The following RASA3 variants were observed in gnomAD, a reference collection of about 807,000 sequenced individuals.
RASA3 encodes RAS p21 protein activator 3.
Under a neutral mutation model 110.0 loss-of-function variants are expected in RASA3, and 73 were observed. That is an observed-to-expected ratio of 0.66 (90% CI 0.55 to 0.81). RASA3 has a LOEUF of 0.81. Among genes scored for constraint, RASA3 ranks in the 30% least tolerant of loss-of-function variants. The probability of loss-of-function intolerance (pLI) is 0.00; values close to 1 mark genes in which losing one functional copy is unlikely to be tolerated. For synonymous variants in RASA3, 500 were observed against 451.4 expected (o/e 1.11, Z -1.37); for missense variants, 976 against 1,113.2 (o/e 0.88, Z 1.75).
intron 2 of RASA3, among the ~76,000 whole-genome samples, chr13:114,068,928 C>A (rs373405160): frequency 6.6e-6 from 1 of 152,190 alleles, no homozygotes; most frequent in African/African-American, 2.4e-5. Context: ...AGACACTGCC[C>A]TTCAACCTCC....
chr13:114,024,132 C>T (rs2053983207), intron 8 of RASA3, 147 bp downstream of exon 8: 1 of 877,406 alleles, frequency 1.1e-6, no homozygotes, highest in East Asian at 2.7e-5. Context: ...ACTTCAACTA[C>T]AACTTCTAAC....
chr13:114,117,107 A>G (rs1366435363), intron 1 of RASA3, among the ~76,000 whole-genome samples: 22 of 66,072 alleles, frequency 3.3e-4, no homozygotes, highest in Admixed American at 4.0e-4. Flanking sequence ...GTGTGTGAGG[A>G]GAGCACGTGT....
intron 3 of RASA3, among the ~76,000 whole-genome samples, chr13:114,050,075 T>C (rs2079118877): frequency 6.6e-6 from 1 of 152,210 alleles, no homozygotes; most frequent in African/African-American, 2.4e-5. Context: ...CCACTAGCCC[T>C]GGAGCCGATG....
At chr13:114,031,574 CTG>C (rs889645162) in intron 4 of RASA3, among the ~76,000 whole-genome samples, 1 of 151,356 alleles carries the variant, frequency 6.6e-6, no homozygotes, top group Non-Finnish European at 1.5e-5. Flanking sequence ...GTACATGCGA[CTG>C]TGTGTGCATG....
chr13:114,037,293 T>C (rs1346294510), intron 4 of RASA3, among the ~76,000 whole-genome samples: 4 of 152,330 alleles, frequency 2.6e-5, no homozygotes, highest in African/African-American at 9.6e-5. Context: ...GGCAGGTGAC[T>C]GGAGCAACAG....
chr13:114,013,137 C>T lies in RASA3; in HGVS notation c.1512+5G>A. ...AAAGCCTCGGTCCCTCAGCCGGTCA[C>T]TCACCGTGTGGTGCGGCGTGAGCTG... is the stretch of plus-strand genomic sequence containing the variant. On this transcript the variant is annotated splice_donor_5th_base_variant and intron_variant, in intron 15 of 23. Transcript: ENST00000334062. 9 of 1,610,934 alleles carry T rather than the reference C, an allele frequency of 5.6e-6. No individual in the cohort carries two copies. The highest frequency in any genetic ancestry group is 7.6e-6 in the Non-Finnish European group (9 of 1,178,750).
intron 1 of RASA3, among the ~76,000 whole-genome samples, chr13:114,129,397 G>A (rs897887055): frequency 6.6e-6 from 1 of 152,158 alleles, no homozygotes; most frequent in African/African-American, 2.4e-5. Flanking sequence ...TCTACGTGGC[G>A]CTCTCCTCTT....
chr13:114,127,369 C>G (rs865880996), intron 1 of RASA3, among the ~76,000 whole-genome samples: 6 of 152,210 alleles, frequency 3.9e-5, no homozygotes, highest in African/African-American at 1.4e-4. Flanking sequence ...CACCTGAAGG[C>G]TGGATGGGTG....
At chr13:114,093,856 G>T (rs1264942718) in intron 1 of RASA3, among the ~76,000 whole-genome samples, 3 of 150,376 alleles carry the variant, frequency 2.0e-5, no homozygotes. Context: ...TTTCATTTTT[G>T]CATTTCATTC....
intron 23 of RASA3, 36 bp downstream of exon 23, chr13:113,981,639 C>G: frequency 6.2e-7 from 1 of 1,607,164 alleles, no homozygotes; most frequent in South Asian, 1.1e-5. Context: ...GCCCACTACA[C>G]TGGCCGTCCA....
chr13:114,071,265 G>A (rs2079568816), intron 2 of RASA3, among the ~76,000 whole-genome samples: 2 of 152,128 alleles, frequency 1.3e-5, no homozygotes, highest in Admixed American at 6.5e-5. Flanking sequence ...TTACAGGTGT[G>A]AGCCACCACA....
chr13:114,002,243 T>C (rs1251094494), intron 18 of RASA3, among the ~76,000 whole-genome samples: 2 of 152,118 alleles, frequency 1.3e-5, no homozygotes, highest in African/African-American at 4.8e-5. Context: ...AAGAGGGGCT[T>C]TGAGCAGCAA....
rs115243255 is a variant in RASA3 at position 114,124,467 on chromosome 13, G to A, written c.55+7968C>T. ...ATCCAGGCCCGACGAGGGCGTTCCC[G>A]GGCACCTCGGTGACTCTGAAACTCA... On this transcript the variant is annotated intron_variant, in intron 1 of 23. Coordinates refer to ENST00000334062, the MANE Select transcript of RASA3 (RefSeq NM_007368.4). 4.6e-3 allele frequency among the ~76,000 whole-genome samples: 699 copies of A among 152,360 alleles called. 6 individuals are homozygous for A. Among genetic ancestry groups the A allele is most frequent in the African/African-American group, 0.016 (648 of 41,586 alleles).
intron 1 of RASA3, among the ~76,000 whole-genome samples, chr13:114,116,957 TGCACGTGTGTGAGGGGA>T (rs2080287505): frequency 5.3e-5 from 5 of 93,864 alleles, no homozygotes; most frequent in South Asian, 3.9e-4. Context: ...GTGTGAGGGG[TGCACGTGTGTGAGGGGA>T]GCACGTGTGT....
chr13:114,074,222 C>T (rs1184733399), intron 1 of RASA3, among the ~76,000 whole-genome samples: 1 of 152,230 alleles, frequency 6.6e-6, no homozygotes, highest in Non-Finnish European at 1.5e-5. Flanking sequence ...CCACCGTCCT[C>T]TCTGGAACAC....
Position 114,007,737 on chromosome 13 carries a change from A to C in RASA3, c.1669-131T>G, listed in dbSNP as rs139743732. On this transcript the variant is annotated intron_variant, in intron 17 of 23. Transcript: ENST00000334062. ...AGTGGAGACAGAATCTGGGCAAGTG[A>C]GTCCTTCCCCGAGGGCTGTGGGGCC... 1,670 of 758,290 alleles carry C rather than the reference A, an allele frequency of 2.2e-3. 3 individuals carry two copies. The highest frequency in any genetic ancestry group is 0.016 in the African/African-American group (963 of 58,980). The allele number at this position is 758,290 out of a possible 1,614,324, so 47.0% of individuals were successfully genotyped here.
intron 3 of RASA3, among the ~76,000 whole-genome samples, chr13:114,050,681 T>C (rs2079129899): frequency 6.6e-6 from 1 of 152,236 alleles, no homozygotes; most frequent in Admixed American, 6.5e-5. Flanking sequence ...GGGGACTTGC[T>C]GTGGAGGCCC....
intron 22 of RASA3, among the ~76,000 whole-genome samples, chr13:113,992,055 TTCAC>T (rs2139092241): frequency 6.6e-6 from 1 of 151,384 alleles, no homozygotes; most frequent in East Asian, 2.0e-4. Context: ...TGTCCACACA[TTCAC>T]ACACGCTCAC....
At chr13:114,047,103 C>T (rs77195498) in intron 3 of RASA3, among the ~76,000 whole-genome samples, 18,145 of 152,146 alleles carry the variant, frequency 0.12, 1,274 homozygotes, top group South Asian at 0.17. Flanking sequence ...TTCTGTTCTT[C>T]AAAGCCAATG....
Sources: gnomAD v4.1 joint callset for allele counts (sites outside exome capture counted in the v4.1 genomes callset) on GRCh38, gnomAD v4.1.1 for gene constraint, MANE v1.5 for transcripts, NCBI Gene and HGNC (gene_info 2026-07-23, HGNC 2026-07-21) for gene names.